Variants in B3GALT1 observed in about 807,000 individuals in gnomAD.
B3GALT1 encodes beta-1,3-galactosyltransferase 1, also known as UDP-Gal:betaGlcNAc beta 1,3-galactosyltransferase, polypeptide 1.
In B3GALT1, 10 loss-of-function variants were observed where a neutral mutation model predicts 23.2. That is an observed-to-expected ratio of 0.43 (90% CI 0.27 to 0.73). The LOEUF (loss-of-function observed/expected upper bound fraction) is 0.73, where lower values mean the gene tolerates loss of function less well. B3GALT1 is among the 30% of genes least tolerant of loss of function. The probability of loss-of-function intolerance (pLI) is 0.21; values close to 1 mark genes in which losing one functional copy is unlikely to be tolerated. For missense variants in B3GALT1, 299 were observed against 405.4 expected (o/e 0.74, Z 2.25); for synonymous variants, 156 against 141.5 (o/e 1.10, Z -0.73).
chr2:167,334,756 T>G (rs1380099733), intron 1 of B3GALT1, among the ~76,000 whole-genome samples: 1 of 152,174 alleles, frequency 6.6e-6, no homozygotes, highest in Non-Finnish European at 1.5e-5. Flanking sequence ...ACAGAGATGT[T>G]TTAACAACAG....
At chr2:167,567,634 G>A (rs763152772) in intron 2 of B3GALT1, among the ~76,000 whole-genome samples, 15 of 151,978 alleles carry the variant, frequency 9.9e-5, no homozygotes, top group Non-Finnish European at 1.8e-4. Flanking sequence ...ACAGAGATTT[G>A]CCATGTACTT....
chr2:167,363,123 G>T (rs1377856945), intron 1 of B3GALT1, among the ~76,000 whole-genome samples: 1 of 151,812 alleles, frequency 6.6e-6, no homozygotes, highest in East Asian at 1.9e-4. Flanking sequence ...CCAAAGTGCT[G>T]GGATTACAGG....
At chr2:167,483,019 C>T (rs557900079) in intron 1 of B3GALT1, among the ~76,000 whole-genome samples, 3 of 152,098 alleles carry the variant, frequency 2.0e-5, no homozygotes, top group South Asian at 2.1e-4. Flanking sequence ...AGTGGCCAGG[C>T]GGGGTGGCTC....
chr2:167,315,228 T>A lies in B3GALT1; in HGVS notation c.-511+21894T>A, dbSNP rs79558342. ...CATATTTAAAATCCCTGTTTAATAT[T>A]GTGGTAAGTGTAACTCCACCTCTTA... On this transcript the variant is annotated intron_variant, in intron 1 of 4. Coordinates refer to ENST00000392690, the MANE Select transcript of B3GALT1 (RefSeq NM_020981.4). 3.1e-3 allele frequency among the ~76,000 whole-genome samples: 478 copies of A among 152,298 alleles called. 20 individuals are homozygous for A. In the East Asian group the frequency reaches 0.064, roughly 20 times the overall value.
At chr2:167,301,633 C>G (rs1696446863) in intron 1 of B3GALT1, among the ~76,000 whole-genome samples, 6 of 152,326 alleles carry the variant, frequency 3.9e-5, no homozygotes, top group Admixed American at 2.6e-4. Context: ...TCACTGCAAC[C>G]TCTGCCTCCC....
chr2:167,544,495 C>T (rs1384851343), intron 2 of B3GALT1, among the ~76,000 whole-genome samples: 1 of 152,048 alleles, frequency 6.6e-6, no homozygotes, highest in African/African-American at 2.4e-5. Context: ...TGGGGTTTCA[C>T]CATGTTGGCC....
intron 1 of B3GALT1, among the ~76,000 whole-genome samples, chr2:167,298,588 T>C (rs1416716602): frequency 6.6e-6 from 1 of 152,132 alleles, no homozygotes; most frequent in East Asian, 1.9e-4. Flanking sequence ...ATGTATATAC[T>C]CTATATACAT....
intron 1 of B3GALT1, among the ~76,000 whole-genome samples, chr2:167,399,705 A>T (rs888323572): frequency 6.6e-6 from 1 of 151,916 alleles, no homozygotes; most frequent in Non-Finnish European, 1.5e-5. Flanking sequence ...ACACTCCTTT[A>T]TCTCCTACTT....
intron 3 of B3GALT1, among the ~76,000 whole-genome samples, chr2:167,760,783 G>A (rs1297951146): frequency 1.3e-5 from 2 of 152,248 alleles, no homozygotes; most frequent in African/African-American, 4.8e-5. Flanking sequence ...CCTACTAAGT[G>A]GAACTCTTAT....
intron 2 of B3GALT1, among the ~76,000 whole-genome samples, chr2:167,530,338 C>A (rs1683304888): frequency 6.6e-6 from 1 of 152,022 alleles, no homozygotes. Flanking sequence ...TTGTCTGTTT[C>A]ACCCACTAGA....
intron 1 of B3GALT1, among the ~76,000 whole-genome samples, chr2:167,439,826 A>AT (rs373346564): frequency 0.13 from 18,742 of 146,174 alleles, 1,395 homozygotes; most frequent in African/African-American, 0.22. Flanking sequence ...ATTTTGTAGT[A>AT]TTTTTTTTTT....
Position 167,461,066 on chromosome 2 carries a change from G to A in B3GALT1, c.-510-29111G>A, listed in dbSNP as rs553160666. 6.6e-4 allele frequency among the ~76,000 whole-genome samples: 100 copies of A among 152,314 alleles called. 1 individual carries two copies. Among genetic ancestry groups the A allele is most frequent in the Non-Finnish European group, 1.9e-4 (13 of 68,028 alleles). Reference sequence around the variant, plus strand: ...GGAGGAGGAAGGGCTTGCAACAATGGGAGGGGGATACAGCAATGGCCACTC... The same window carrying A: ...GGAGGAGGAAGGGCTTGCAACAATGAGAGGGGGATACAGCAATGGCCACTC... On this transcript the variant is annotated intron_variant, in intron 1 of 4. Coordinates refer to ENST00000392690, the MANE Select transcript of B3GALT1 (RefSeq NM_020981.4).
At chr2:167,515,373 A>G (rs901008570) in intron 2 of B3GALT1, among the ~76,000 whole-genome samples, 1 of 152,158 alleles carries the variant, frequency 6.6e-6, no homozygotes, top group Non-Finnish European at 1.5e-5. Flanking sequence ...TCAGATGGAG[A>G]AGGTCTTTAC....
chr2:167,786,346 T>A (rs917894468), intron 3 of B3GALT1, among the ~76,000 whole-genome samples: 1 of 152,188 alleles, frequency 6.6e-6, no homozygotes, highest in African/African-American at 2.4e-5. Context: ...GAAGTGGTAA[T>A]TAAACTATAT....
chr2:167,683,292 G>A (rs1237303643), intron 3 of B3GALT1, among the ~76,000 whole-genome samples: 2 of 152,140 alleles, frequency 1.3e-5, no homozygotes, highest in Non-Finnish European at 2.9e-5. Context: ...CAAGGAAGGT[G>A]CAGGGTGATC....
At chr2:167,787,466 T>C (rs1477628398) in intron 3 of B3GALT1, among the ~76,000 whole-genome samples, 2 of 152,238 alleles carry the variant, frequency 1.3e-5, no homozygotes, top group East Asian at 1.9e-4. Flanking sequence ...ACCAGCCAAA[T>C]TGAATAAAAA....
At chr2:167,867,356 C>T (rs1037493242) in intron 4 of B3GALT1, among the ~76,000 whole-genome samples, 1 of 152,022 alleles carries the variant, frequency 6.6e-6, no homozygotes, top group Non-Finnish European at 1.5e-5. Flanking sequence ...AAATTTCTCC[C>T]GGGAGGACAG....
chr2:167,668,018 G>A (rs867424336), intron 3 of B3GALT1, among the ~76,000 whole-genome samples: 4 of 152,302 alleles, frequency 2.6e-5, no homozygotes, highest in Middle Eastern at 3.4e-3. Flanking sequence ...GAGGAGGAGA[G>A]GCGCTCTGCT....
chr2:167,855,639 T>C (rs2105423245), intron 4 of B3GALT1, among the ~76,000 whole-genome samples: 1 of 152,298 alleles, frequency 6.6e-6, no homozygotes, highest in South Asian at 2.1e-4. Context: ...AATGGTTACC[T>C]ATTGAGGGTA....
Sources: gnomAD v4.1 joint callset for allele counts (sites outside exome capture counted in the v4.1 genomes callset) on GRCh38, gnomAD v4.1.1 for gene constraint, MANE v1.5 for transcripts, NCBI Gene and HGNC (gene_info 2026-07-23, HGNC 2026-07-21) for gene names.